PCDH15: variants seen among roughly 807,000 people sequenced by gnomAD.
The protein encoded by PCDH15 is protocadherin related 15, also known as protocadherin-15.
Under a neutral mutation model 178.5 loss-of-function variants are expected in PCDH15, and 129 were observed. That is an observed-to-expected ratio of 0.72 (90% CI 0.63 to 0.84). The LOEUF (loss-of-function observed/expected upper bound fraction) is 0.84. Among genes scored for constraint, PCDH15 ranks in the 40% least tolerant of loss-of-function variants. PCDH15 has a pLI of 0.00. For synonymous variants in PCDH15, 800 were observed against 732.0 expected (o/e 1.09, Z -1.50); for missense variants, 2,230 against 2,099.9 (o/e 1.06, Z -1.21).
At chr10:54,446,653 T>C (rs185331695) in intron 3 of PCDH15, among the ~76,000 whole-genome samples, 44 of 151,724 alleles carry the variant, frequency 2.9e-4, no homozygotes, top group African/African-American at 9.2e-4. Flanking sequence ...GTGGAATGGC[T>C]AAATCAAGCT....
chr10:54,054,655 A>G (rs563946844), intron 18 of PCDH15, among the ~76,000 whole-genome samples: 2 of 152,258 alleles, frequency 1.3e-5, no homozygotes, highest in South Asian at 4.1e-4. Context: ...AAATATTGTA[A>G]AAATATATTC....
chr10:54,315,985 T>G (rs12267883), intron 8 of PCDH15, among the ~76,000 whole-genome samples: 7,307 of 151,814 alleles, frequency 0.048, 522 homozygotes, highest in African/African-American at 0.16. Flanking sequence ...TTTGTTTTTT[T>G]TTTTGGCTGG....
intron 11 of PCDH15, among the ~76,000 whole-genome samples, chr10:54,189,781 G>A (rs982923027): frequency 2.6e-5 from 4 of 151,830 alleles, no homozygotes; most frequent in African/African-American, 4.8e-5. Context: ...AAAACCTGGT[G>A]GTCTCAGACA....
chr10:54,491,774 C>A (rs534699092), intron 3 of PCDH15, among the ~76,000 whole-genome samples: 1 of 152,178 alleles, frequency 6.6e-6, no homozygotes, highest in African/African-American at 2.4e-5. Flanking sequence ...ACGATATTTT[C>A]TGAAAAGTCA....
At chr10:55,066,483 TTCTC>T (rs1165297423) in intron 2 of PCDH15, among the ~76,000 whole-genome samples, 3 of 150,752 alleles carry the variant, frequency 2.0e-5, no homozygotes, top group South Asian at 2.1e-4. Context: ...TATTGTTCCT[TTCTC>T]TCAAAACTAT....
intron 15 of PCDH15, among the ~76,000 whole-genome samples, chr10:54,106,588 T>C (rs769514471): frequency 5.3e-5 from 8 of 152,208 alleles, no homozygotes; most frequent in Non-Finnish European, 5.9e-5. Flanking sequence ...GCATTCCTCC[T>C]GTTACTGAAG....
chr10:54,641,082 C>T lies in PCDH15; in HGVS notation c.91+23090G>A, dbSNP rs907579455. On this transcript the variant is annotated intron_variant, in intron 2 of 37. Coordinates refer to ENST00000644397, the MANE Select transcript of PCDH15 (RefSeq NM_001384140.1). ...TGGTGCCACTGCACTCCAGCCTGGG[C>T]GATAGAGCCATTTCTGTCTCAACAA... 13 of 276,162 alleles carry T rather than the reference C, an allele frequency of 4.7e-5. 1 individual carries two copies. The highest frequency in any genetic ancestry group is 1.5e-4 in the South Asian group (5 of 32,700). The allele number at this position is 276,162 out of a possible 1,614,324, so 17.1% of individuals were successfully genotyped here.
intron 2 of PCDH15, among the ~76,000 whole-genome samples, chr10:54,550,881 T>G (rs2086496522): frequency 6.6e-6 from 1 of 151,880 alleles, no homozygotes; most frequent in South Asian, 2.1e-4. Context: ...TTAGGCAGGG[T>G]GTAGTGGCTC....
chr10:54,665,570 C>A (rs1301951296), intron 1 of PCDH15, among the ~76,000 whole-genome samples: 1 of 151,928 alleles, frequency 6.6e-6, no homozygotes, highest in Non-Finnish European at 1.5e-5. Context: ...ATTTGTCCAG[C>A]AGCATGTATA....
At chr10:53,957,255 G>GT (rs1181946146) in intron 23 of PCDH15, among the ~76,000 whole-genome samples, 1 of 151,156 alleles carries the variant, frequency 6.6e-6, no homozygotes, top group Non-Finnish European at 1.5e-5. Context: ...AACTGTGAGC[G>GT]TTTTTTTGGA....
intron 2 of PCDH15, among the ~76,000 whole-genome samples, chr10:54,536,698 C>T (rs2084568791): frequency 6.6e-6 from 1 of 152,082 alleles, no homozygotes; most frequent in Admixed American, 6.5e-5. Flanking sequence ...TCCTTATGCC[C>T]ATGGCTATGC....
intron 5 of PCDH15, among the ~76,000 whole-genome samples, chr10:54,363,728 T>C (rs1946393340): frequency 6.6e-6 from 1 of 152,134 alleles, no homozygotes; most frequent in African/African-American, 2.4e-5. Context: ...ACCAACAATG[T>C]ATGAAAGTTG....
intron 15 of PCDH15, among the ~76,000 whole-genome samples, chr10:54,113,247 G>C (rs1411505632): frequency 6.6e-6 from 1 of 152,054 alleles, no homozygotes; most frequent in Non-Finnish European, 1.5e-5. Flanking sequence ...TAGTTGAGGG[G>C]ATATATTTTA....
chr10:55,341,989 G>A (rs557071496), intron 2 of PCDH15, among the ~76,000 whole-genome samples: 69 of 149,604 alleles, frequency 4.6e-4, no homozygotes, highest in African/African-American at 1.7e-3. Context: ...TTATCAATTA[G>A]ATTTGAACAG....
At chr10:53,895,939 A>G (rs541893542) in intron 26 of PCDH15, among the ~76,000 whole-genome samples, 5 of 152,196 alleles carry the variant, frequency 3.3e-5, no homozygotes, top group African/African-American at 1.2e-4. Flanking sequence ...GAACTGAGGT[A>G]GACCTAACTT....
At chr10:54,714,956 A>G (rs2132411190) in intron 1 of PCDH15, among the ~76,000 whole-genome samples, 1 of 152,266 alleles carries the variant, frequency 6.6e-6, no homozygotes, top group African/African-American at 2.4e-5. Context: ...TTTGGGGTAG[A>G]AAGTGTATTC....
intron 2 of PCDH15, among the ~76,000 whole-genome samples, chr10:55,549,199 A>T (rs1270623220): frequency 6.6e-6 from 1 of 151,998 alleles, no homozygotes; most frequent in Non-Finnish European, 1.5e-5. Flanking sequence ...AAATGTTCAA[A>T]TTATTCATAT....
chr10:55,409,289 A>G (rs1838277730), intron 2 of PCDH15, among the ~76,000 whole-genome samples: 1 of 151,870 alleles, frequency 6.6e-6, no homozygotes, highest in Non-Finnish European at 1.5e-5. Context: ...TACTGTCTCC[A>G]CCTCATCTGA....
chr10:54,417,663 G>T (rs994227665), intron 3 of PCDH15, among the ~76,000 whole-genome samples: 2 of 152,026 alleles, frequency 1.3e-5, no homozygotes, highest in African/African-American at 4.8e-5. Flanking sequence ...AACATTATTT[G>T]TCTTTTGAAA....
Sources: gnomAD v4.1 joint callset for allele counts (sites outside exome capture counted in the v4.1 genomes callset) on GRCh38, gnomAD v4.1.1 for gene constraint, MANE v1.5 for transcripts, NCBI Gene and HGNC (gene_info 2026-07-23, HGNC 2026-07-21) for gene names.